The following ST6GALNAC3 variants were observed in gnomAD, a reference collection of about 807,000 sequenced individuals.
ST6GALNAC3 encodes alpha-N-acetylgalactosaminide alpha-2,6-sialyltransferase 3.
A neutral mutation model predicts 32.7 loss-of-function variants in ST6GALNAC3; 25 were observed. The observed-to-expected ratio is 0.76, with a 90% CI of 0.56 to 1.07. The LOEUF (loss-of-function observed/expected upper bound fraction) is 1.07. Ranked by LOEUF, ST6GALNAC3 falls within the 50% of genes least tolerant of loss-of-function variation. The probability of loss-of-function intolerance (pLI) is 0.00; values close to 1 mark genes in which losing one functional copy is unlikely to be tolerated. For synonymous variants in ST6GALNAC3, 129 were observed against 133.1 expected (o/e 0.97, Z 0.21); for missense variants, 355 against 382.4 (o/e 0.93, Z 0.60).
intron 1 of ST6GALNAC3, among the ~76,000 whole-genome samples, chr1:76,246,675 A>G (rs1403484334): frequency 6.6e-6 from 1 of 152,158 alleles, no homozygotes; most frequent in African/African-American, 2.4e-5. Context: ...TGCTCCTCTC[A>G]AAACTGGTTA....
intron 2 of ST6GALNAC3, among the ~76,000 whole-genome samples, chr1:76,362,219 C>A (rs913395675): frequency 6.6e-6 from 1 of 152,068 alleles, no homozygotes; most frequent in Non-Finnish European, 1.5e-5. Flanking sequence ...GTTTAAACAA[C>A]CGGATCTCTT....
intron 3 of ST6GALNAC3, among the ~76,000 whole-genome samples, chr1:76,565,673 T>C (rs1000376262): frequency 3.3e-5 from 5 of 152,206 alleles, no homozygotes; most frequent in African/African-American, 4.8e-5. Flanking sequence ...AGGTTTTAGA[T>C]GATTCGTTTC....
At chr1:76,374,738 G>T (rs903849795) in intron 2 of ST6GALNAC3, among the ~76,000 whole-genome samples, 1 of 151,902 alleles carries the variant, frequency 6.6e-6, no homozygotes, top group African/African-American at 2.4e-5. Flanking sequence ...TTTACCTATT[G>T]TACCTTAATT....
At chr1:76,143,487 C>T (rs1307214019) in intron 1 of ST6GALNAC3, among the ~76,000 whole-genome samples, 1 of 151,540 alleles carries the variant, frequency 6.6e-6, no homozygotes, top group Non-Finnish European at 1.5e-5. Context: ...GACAAGCTTA[C>T]AGCCCCCATT....
intron 1 of ST6GALNAC3, among the ~76,000 whole-genome samples, chr1:76,290,817 C>A (rs1442183652): frequency 6.6e-6 from 1 of 152,182 alleles, no homozygotes; most frequent in African/African-American, 2.4e-5. Flanking sequence ...GATGATGGAT[C>A]AGCTGCTGTG....
intron 2 of ST6GALNAC3, among the ~76,000 whole-genome samples, chr1:76,341,657 CTTTCTTTCTTTCTTTCTTTCT>C (rs1648020892): frequency 1.4e-5 from 2 of 144,638 alleles, no homozygotes; most frequent in African/African-American, 2.6e-5. Flanking sequence ...TTCTTTCTTT[CTTTCTTTCTTTCTTTCTTTCT>C]TTCCTTCTTT....
chr1:76,151,867 C>A (rs1651067528), intron 1 of ST6GALNAC3, among the ~76,000 whole-genome samples: 1 of 152,192 alleles, frequency 6.6e-6, no homozygotes, highest in African/African-American at 2.4e-5. Flanking sequence ...GAGGATGAAT[C>A]TGGAATTCAG....
At chr1:76,138,991 G>A (rs1020740337) in intron 1 of ST6GALNAC3, among the ~76,000 whole-genome samples, 3 of 152,026 alleles carry the variant, frequency 2.0e-5, no homozygotes, top group Non-Finnish European at 2.9e-5. Context: ...TCAGGAGATC[G>A]AGACCATCCT....
At chr1:76,529,360 T>C (rs75777826) in intron 3 of ST6GALNAC3, among the ~76,000 whole-genome samples, 1 of 152,130 alleles carries the variant, frequency 6.6e-6, no homozygotes, top group East Asian at 1.9e-4. Context: ...CTCACATGGA[T>C]GTTGTAGGGA....
In ST6GALNAC3 at chr1:76,630,674, C is replaced by T; in HGVS notation, c.*1868C>T. ...TAAAGTGTGCCATCTTGGATAAAGG[C>T]CTTTTGCCTACTCTCTTCTGCAATT... On this transcript the variant is annotated 3_prime_UTR_variant, in exon 5 of 5. Coordinates refer to ENST00000328299, the MANE Select transcript of ST6GALNAC3 (RefSeq NM_152996.4). 1.0e-6 allele frequency: 1 copy of T among 985,558 alleles called. No homozygotes were observed. Among genetic ancestry groups the T allele is most frequent in the Non-Finnish European group, 1.2e-6 (1 of 829,812 alleles). 61.1% of individuals were successfully genotyped at this position (985,558 alleles called of 1,614,324 possible).
At chr1:76,162,107 CT>C (rs1651848596) in intron 1 of ST6GALNAC3, among the ~76,000 whole-genome samples, 1 of 152,202 alleles carries the variant, frequency 6.6e-6, no homozygotes, top group African/African-American at 2.4e-5. Flanking sequence ...AAACTTACAG[CT>C]TAATATGTTG....
At chr1:76,614,789 G>T (rs528858868) in intron 3 of ST6GALNAC3, among the ~76,000 whole-genome samples, 1 of 147,670 alleles carries the variant, frequency 6.8e-6, no homozygotes, top group Non-Finnish European at 1.5e-5. Context: ...ATGCCCACAG[G>T]ACAATAAAAT....
At chr1:76,621,211 A>C (rs527425882) in intron 3 of ST6GALNAC3, among the ~76,000 whole-genome samples, 1 of 152,158 alleles carries the variant, frequency 6.6e-6, no homozygotes, top group South Asian at 2.1e-4. Flanking sequence ...TTCACAGTCC[A>C]AGTGCCTACT....
chr1:76,123,120 C>G (rs1163751357), intron 1 of ST6GALNAC3, among the ~76,000 whole-genome samples: 1 of 152,126 alleles, frequency 6.6e-6, no homozygotes, highest in Non-Finnish European at 1.5e-5. Context: ...GCCTGTAATC[C>G]CAGCACTTTG....
intron 3 of ST6GALNAC3, among the ~76,000 whole-genome samples, chr1:76,559,386 A>G (rs565650415): frequency 8.5e-5 from 13 of 152,356 alleles, no homozygotes; most frequent in African/African-American, 3.1e-4. Flanking sequence ...AAAGTAAATT[A>G]TAGACTTAAA....
chr1:76,184,426 C>A (rs1027327927), intron 1 of ST6GALNAC3, among the ~76,000 whole-genome samples: 7 of 151,438 alleles, frequency 4.6e-5, no homozygotes, highest in African/African-American at 1.5e-4. Flanking sequence ...GTAGTCACAG[C>A]CACTTGGGAG....
chr1:76,630,320 A>C lies in ST6GALNAC3; in HGVS notation c.*1514A>C, dbSNP rs1649226950. 1.1e-5 allele frequency: 11 copies of C among 985,228 alleles called. No individual in the cohort carries two copies. Among genetic ancestry groups the C allele is most frequent in the Non-Finnish European group, 1.3e-5 (11 of 829,806 alleles). 61.0% of individuals were successfully genotyped at this position (985,228 alleles called of 1,614,324 possible). Reference sequence around the variant, plus strand: ...AAGTAGTTTTGAGAAGTTTTTCTATATACGTATATATACACGTGTGGTTCT... The same window carrying C: ...AAGTAGTTTTGAGAAGTTTTTCTATCTACGTATATATACACGTGTGGTTCT... On this transcript the variant is annotated 3_prime_UTR_variant, in exon 5 of 5. Transcript: ENST00000328299.
chr1:76,240,944 T>C (rs1288126748), intron 1 of ST6GALNAC3, among the ~76,000 whole-genome samples: 3 of 152,242 alleles, frequency 2.0e-5, no homozygotes, highest in African/African-American at 7.2e-5. Flanking sequence ...AAGATACTTT[T>C]GCACCTAACA....
intron 1 of ST6GALNAC3, among the ~76,000 whole-genome samples, chr1:76,164,622 G>A (rs1006436018): frequency 6.6e-6 from 1 of 152,114 alleles, no homozygotes; most frequent in African/African-American, 2.4e-5. Context: ...CTCAAATCAG[G>A]TGGATTTTAA....
Sources: gnomAD v4.1 joint callset for allele counts (sites outside exome capture counted in the v4.1 genomes callset) on GRCh38, gnomAD v4.1.1 for gene constraint, MANE v1.5 for transcripts, NCBI Gene and HGNC (gene_info 2026-07-23, HGNC 2026-07-21) for gene names.